The following TRPM3 variants were observed in gnomAD, a reference collection of about 807,000 sequenced individuals.
TRPM3 encodes the protein long transient receptor potential channel 3.
In TRPM3, 77 loss-of-function variants were observed where a neutral mutation model predicts 181.2. The ratio of observed to expected loss-of-function variants is 0.42; its 90% CI spans 0.35 to 0.51. The LOEUF (loss-of-function observed/expected upper bound fraction) is 0.51. Among genes scored for constraint, TRPM3 ranks in the 20% least tolerant of loss-of-function variants. TRPM3 has a pLI of 0.01. For missense variants in TRPM3, 1,759 were observed against 2,196.7 expected, an observed-to-expected ratio of 0.80 and a Z score of 3.98; for synonymous variants, 745 against 796.4, an observed-to-expected ratio of 0.94 and a Z score of 1.09.
chr9:71,180,279 T>G (rs968025238), intron 1 of TRPM3, among the ~76,000 whole-genome samples: 3 of 152,028 alleles, frequency 2.0e-5, no homozygotes, highest in Non-Finnish European at 4.4e-5. Flanking sequence ...GGTCTCAAAC[T>G]CCTGACCTCA....
chr9:70,612,851 GA>G (rs2062185571), intron 18 of TRPM3, among the ~76,000 whole-genome samples: 1 of 152,154 alleles, frequency 6.6e-6, no homozygotes, highest in South Asian at 2.1e-4. Context: ...ATATGCTTGA[GA>G]ATCTAATGCT....
At chr9:70,919,989 C>G (rs899172069) in intron 1 of TRPM3, among the ~76,000 whole-genome samples, 5 of 152,112 alleles carry the variant, frequency 3.3e-5, no homozygotes, top group Non-Finnish European at 2.9e-5. Flanking sequence ...ACCCTCCCTG[C>G]AGTTTACTAA....
At chr9:71,437,318 A>G (rs185409815) in intron 1 of TRPM3, among the ~76,000 whole-genome samples, 1 of 152,354 alleles carries the variant, frequency 6.6e-6, no homozygotes, top group Admixed American at 6.5e-5. Context: ...AACTCCAAAT[A>G]AAGGCCAGAT....
At chr9:70,635,385 C>A in intron 11 of TRPM3, 124 bp from the exon 12 acceptor site, 2 of 688,028 alleles carry the variant, frequency 2.9e-6, no homozygotes, top group South Asian at 1.8e-5. Context: ...GGACCTTGTT[C>A]TAGTTGCTCA....
At chr9:71,193,170 A>G (rs981480321) in intron 1 of TRPM3, among the ~76,000 whole-genome samples, 1 of 151,744 alleles carries the variant, frequency 6.6e-6, no homozygotes, top group African/African-American at 2.4e-5. Context: ...TCTTTCCTTC[A>G]TCCCATTTTC....
chr9:71,446,915 G>A (rs1171192647), upstream of TRPM3: 5 of 1,354,834 alleles, frequency 3.7e-6, no homozygotes, highest in Non-Finnish European at 4.9e-6. Flanking sequence ...TCTCCCTCCA[G>A]CCTGCGCGCG....
At chr9:71,114,772 C>A (rs1170289412) in intron 1 of TRPM3, among the ~76,000 whole-genome samples, 2 of 152,116 alleles carry the variant, frequency 1.3e-5, no homozygotes, top group East Asian at 3.9e-4. Flanking sequence ...AAGGGCCATT[C>A]ATTATAGCGG....
chr9:70,929,327 G>C (rs375167311), intron 1 of TRPM3, among the ~76,000 whole-genome samples: 1 of 151,740 alleles, frequency 6.6e-6, no homozygotes, highest in Non-Finnish European at 1.5e-5. Flanking sequence ...TCAGCCTCTC[G>C]AGTAGCTGGG....
intron 1 of TRPM3, among the ~76,000 whole-genome samples, chr9:70,913,237 A>T (rs1436505685): frequency 6.6e-6 from 1 of 152,134 alleles, no homozygotes; most frequent in Non-Finnish European, 1.5e-5. Context: ...CATCATTCTG[A>T]GGTATAAACT....
chr9:71,187,526 C>T (rs1363668414), intron 1 of TRPM3, among the ~76,000 whole-genome samples: 1 of 151,870 alleles, frequency 6.6e-6, no homozygotes, highest in African/African-American at 2.4e-5. Flanking sequence ...ATCAAGAATT[C>T]TGGGAAAAAC....
chr9:70,658,588 A>G (rs2060686834), intron 9 of TRPM3, among the ~76,000 whole-genome samples: 1 of 152,110 alleles, frequency 6.6e-6, no homozygotes, highest in Non-Finnish European at 1.5e-5. Flanking sequence ...TATAATCGTT[A>G]TGTTAAATTT....
At chr9:71,400,567 G>A (rs993963475) in intron 1 of TRPM3, among the ~76,000 whole-genome samples, 4 of 151,914 alleles carry the variant, frequency 2.6e-5, no homozygotes, top group Non-Finnish European at 4.4e-5. Context: ...AGAATAGAAA[G>A]TATTTTTATT....
At chr9:70,916,071 C>A (rs1001035070) in intron 1 of TRPM3, among the ~76,000 whole-genome samples, 3 of 152,074 alleles carry the variant, frequency 2.0e-5, no homozygotes, top group African/African-American at 7.2e-5. Flanking sequence ...CCTTATAGGC[C>A]AGGAGAAAGT....
chr9:71,246,261 AT>A (rs1055718615), intron 1 of TRPM3, among the ~76,000 whole-genome samples: 2 of 152,172 alleles, frequency 1.3e-5, no homozygotes, highest in Non-Finnish European at 1.5e-5. Flanking sequence ...GATTTTAAAA[AT>A]TTTTTTCAAA....
intron 1 of TRPM3, among the ~76,000 whole-genome samples, chr9:71,330,897 A>G (rs1320347238): frequency 6.6e-6 from 1 of 151,792 alleles, no homozygotes; most frequent in East Asian, 1.9e-4. Context: ...GCAGCAGCTG[A>G]TAGAGTGCTG....
At chr9:70,826,831 A>G (rs561377312) in intron 6 of TRPM3, 2 of 152,328 alleles carry the variant, frequency 1.3e-5, no homozygotes, top group African/African-American at 4.8e-5. Flanking sequence ...AATTACCACA[A>G]AGTTTGAGCT....
chr9:71,247,156 C>A (rs879618187), intron 1 of TRPM3, among the ~76,000 whole-genome samples: 1 of 152,122 alleles, frequency 6.6e-6, no homozygotes, highest in Admixed American at 6.6e-5. Context: ...AGCCACCTGA[C>A]CAGCCTGACC....
chr9:70,951,637 T>TG (rs1462487479), intron 1 of TRPM3, among the ~76,000 whole-genome samples: 2 of 152,138 alleles, frequency 1.3e-5, no homozygotes, highest in Non-Finnish European at 2.9e-5. Flanking sequence ...CCACCATGCC[T>TG]GGCCAGAATT....
chr9:70,772,787 T>C (rs1481125985), intron 7 of TRPM3, among the ~76,000 whole-genome samples: 8 of 152,154 alleles, frequency 5.3e-5, no homozygotes, highest in Non-Finnish European at 1.5e-5. Context: ...TGGTTATGAA[T>C]GTGCACAACA....
Sources: allele counts gnomAD v4.1 joint callset (sites outside exome capture counted in the v4.1 genomes callset), GRCh38; gene constraint gnomAD v4.1.1; transcripts MANE v1.5; gene names NCBI Gene and HGNC (gene_info 2026-07-23, HGNC 2026-07-21).